Variants in DIS3L2 observed in about 807,000 individuals in gnomAD.
DIS3L2 encodes DIS3-like exonuclease 2.
A neutral mutation model predicts 97.5 loss-of-function variants in DIS3L2; 34 were observed. That is an observed-to-expected ratio of 0.35 (90% CI 0.27 to 0.46). DIS3L2 has a LOEUF of 0.46. Ranked by LOEUF, DIS3L2 falls within the 20% of genes least tolerant of loss-of-function variation. The probability of loss-of-function intolerance (pLI) is 1.00; values close to 1 mark genes in which losing one functional copy is unlikely to be tolerated. For missense variants in DIS3L2, 1,038 were observed against 1,146.0 expected (o/e 0.91, Z 1.36); for synonymous variants, 435 against 445.2 (o/e 0.98, Z 0.29).
intron 1 of DIS3L2, among the ~76,000 whole-genome samples, chr2:231,998,745 A>G (rs1353246901): frequency 6.6e-6 from 1 of 152,220 alleles, no homozygotes; most frequent in Admixed American, 6.5e-5. Context: ...ATGGTTGCCA[A>G]TGGTAATTTT....
intron 13 of DIS3L2, among the ~76,000 whole-genome samples, chr2:232,271,861 G>A (rs968232031): frequency 1.3e-5 from 2 of 152,148 alleles, no homozygotes; most frequent in African/African-American, 4.8e-5. Context: ...AAGAGACAGA[G>A]ATTGATTTAG....
At chr2:231,968,554 T>C (rs974557916) in intron 1 of DIS3L2, among the ~76,000 whole-genome samples, 7 of 152,246 alleles carry the variant, frequency 4.6e-5, no homozygotes, top group African/African-American at 1.7e-4. Flanking sequence ...TTCCTCTTTA[T>C]TGCTGAGTAA....
intron 1 of DIS3L2, among the ~76,000 whole-genome samples, chr2:231,975,897 C>T (rs1003162316): frequency 2.0e-5 from 3 of 151,816 alleles, no homozygotes; most frequent in East Asian, 1.9e-4. Flanking sequence ...TCTTTATTCT[C>T]ACTTATTTCT....
intron 9 of DIS3L2, among the ~76,000 whole-genome samples, chr2:232,187,636 T>A (rs926290217): frequency 6.6e-6 from 1 of 151,750 alleles, no homozygotes; most frequent in Non-Finnish European, 1.5e-5. Context: ...AGAGACAGGG[T>A]TTCACCATGT....
At chr2:232,181,665 G>A (rs1176065467) in intron 9 of DIS3L2, among the ~76,000 whole-genome samples, 1 of 151,634 alleles carries the variant, frequency 6.6e-6, no homozygotes, top group Non-Finnish European at 1.5e-5. Context: ...TTGAGACAAT[G>A]TCTCACTCTG....
chr2:232,333,169 C>T (rs181949466), intron 16 of DIS3L2, among the ~76,000 whole-genome samples: 1,444 of 107,504 alleles, frequency 0.013, 36 homozygotes, highest in African/African-American at 0.069. Context: ...TCTCCTCCTC[C>T]GCTGTCGCCT....
At chr2:232,119,267 A>G (rs1025112981) in intron 6 of DIS3L2, among the ~76,000 whole-genome samples, 4 of 152,186 alleles carry the variant, frequency 2.6e-5, no homozygotes, top group African/African-American at 9.6e-5. Flanking sequence ...CGCTCAGATG[A>G]CTTAACACCT....
intron 8 of DIS3L2, among the ~76,000 whole-genome samples, chr2:232,154,835 C>T (rs1301044848): frequency 4.5e-5 from 5 of 110,524 alleles, no homozygotes. Context: ...TCTCAGACTG[C>T]TGTGCTAGCA....
chr2:232,138,175 A>G (rs1698410917), intron 8 of DIS3L2, among the ~76,000 whole-genome samples: 1 of 152,090 alleles, frequency 6.6e-6, no homozygotes. Context: ...TCATGGCCTT[A>G]TAGGTATTTT....
rs1179634888 is a variant in DIS3L2 at position 232,334,679 on chromosome 2, C to G, written c.2338C>G (p.Gln780Glu). Residue 780 changes from glutamine to glutamate, a missense_variant, in exon 19 of 21, where the codon CAA becomes GAA. Gln to Glu is a conservative substitution (Grantham distance 29). Coordinates refer to ENST00000325385, the MANE Select transcript of DIS3L2 (RefSeq NM_152383.5). ...AGCCATGGTGATGGGCATCCTGAAG[C>G]AAGCCTTCGACGTGCTGGTGCTGCG... ...SEAMVMGILK[Q>E]AFDVLVLRYG... 8 of 1,610,750 alleles carry G rather than the reference C, an allele frequency of 5.0e-6. No homozygotes were observed. The highest frequency in any genetic ancestry group is 6.8e-6 in the Non-Finnish European group (8 of 1,178,840).
intron 9 of DIS3L2, among the ~76,000 whole-genome samples, chr2:232,185,177 C>T (rs1217154559): frequency 1.3e-5 from 2 of 152,126 alleles, no homozygotes; most frequent in Non-Finnish European, 2.9e-5. Context: ...GGAATATTCA[C>T]CAAGATAGAC....
chr2:232,173,690 A>G (rs1324134294), intron 9 of DIS3L2, among the ~76,000 whole-genome samples: 1 of 152,194 alleles, frequency 6.6e-6, no homozygotes, highest in African/African-American at 2.4e-5. Context: ...CTTGTTGACA[A>G]GATGATTCTT....
At chr2:232,280,596 G>A (rs1694257530) in intron 13 of DIS3L2, among the ~76,000 whole-genome samples, 1 of 152,188 alleles carries the variant, frequency 6.6e-6, no homozygotes, top group South Asian at 2.1e-4. Context: ...CATTGGAATG[G>A]AGTTTTCCTC....
chr2:232,088,390 CAAAAAAAAAAA>C (rs778505065), intron 6 of DIS3L2, among the ~76,000 whole-genome samples: 2 of 55,716 alleles, frequency 3.6e-5, no homozygotes, highest in Non-Finnish European at 7.5e-5. Flanking sequence ...ACTAAAAATA[CAAAAAAAAAAA>C]AAAAAAAAAA....
At chr2:232,280,624 ATG>A (rs947789546) in intron 13 of DIS3L2, among the ~76,000 whole-genome samples, 1 of 152,202 alleles carries the variant, frequency 6.6e-6, no homozygotes, top group African/African-American at 2.4e-5. Context: ...CTGGAGTGTA[ATG>A]TGGTGGGAAG....
At chr2:232,188,552 C>T (rs1305086921) in intron 9 of DIS3L2, among the ~76,000 whole-genome samples, 1 of 152,138 alleles carries the variant, frequency 6.6e-6, no homozygotes, top group Non-Finnish European at 1.5e-5. Flanking sequence ...CGATCTAAAC[C>T]TCATGCCTTA....
intron 13 of DIS3L2, among the ~76,000 whole-genome samples, chr2:232,264,175 A>G (rs1053608994): frequency 6.6e-6 from 1 of 152,212 alleles, no homozygotes; most frequent in South Asian, 2.1e-4. Context: ...ATGAGAATCT[A>G]ATGCTGCCAC....
chr2:232,041,894 T>G (rs1695119613), intron 5 of DIS3L2, among the ~76,000 whole-genome samples: 1 of 152,224 alleles, frequency 6.6e-6, no homozygotes. Flanking sequence ...GTGCAGCACC[T>G]GCAGGGTACT....
intron 9 of DIS3L2, among the ~76,000 whole-genome samples, chr2:232,168,458 A>G (rs1051245252): frequency 1.3e-4 from 20 of 152,134 alleles, no homozygotes; most frequent in African/African-American, 3.6e-4. Context: ...GTGGTTTAGT[A>G]TTATCTTCAA....
Sources: allele counts gnomAD v4.1 joint callset (sites outside exome capture counted in the v4.1 genomes callset), GRCh38; gene constraint gnomAD v4.1.1; transcripts MANE v1.5; gene names NCBI Gene and HGNC (gene_info 2026-07-23, HGNC 2026-07-21).